Variants in MICAL3 observed in about 807,000 individuals in gnomAD.
MICAL3 encodes [F-actin]-monooxygenase MICAL3.
A neutral mutation model predicts 207.4 loss-of-function variants in MICAL3; 62 were observed. The ratio of observed to expected loss-of-function variants is 0.30; its 90% CI spans 0.24 to 0.37. The LOEUF (loss-of-function observed/expected upper bound fraction) is 0.37. MICAL3 is among the 10% of genes least tolerant of loss of function. The pLI, the probability that MICAL3 is intolerant of heterozygous loss-of-function variation, is 1.00. For synonymous variants in MICAL3, 1,077 were observed against 1,069.3 expected, an observed-to-expected ratio of 1.01 and a Z score of -0.14; for missense variants, 2,368 against 2,635.6, an observed-to-expected ratio of 0.90 and a Z score of 2.22.
intron 1 of MICAL3, among the ~76,000 whole-genome samples, chr22:17,979,283 G>A (rs58827504): frequency 0.031 from 4,649 of 151,646 alleles, 101 homozygotes; most frequent in African/African-American, 0.062. Context: ...AGTGGCTCAC[G>A]CCTGTAATCC....
chr22:17,894,604 C>T (rs1930667524), intron 10 of MICAL3, among the ~76,000 whole-genome samples: 1 of 151,516 alleles, frequency 6.6e-6, no homozygotes, highest in Non-Finnish European at 1.5e-5. Flanking sequence ...CAAGACCAGC[C>T]TGACCAACAC....
At chr22:17,997,759 GGAT>G (rs1465556544) in intron 1 of MICAL3, among the ~76,000 whole-genome samples, 1 of 152,158 alleles carries the variant, frequency 6.6e-6, no homozygotes, top group South Asian at 2.1e-4. Flanking sequence ...GTAAAACTGG[GGAT>G]GATAAGTTCT....
At chr22:18,003,409 G>T (rs941949908) in intron 1 of MICAL3, among the ~76,000 whole-genome samples, 4 of 151,872 alleles carry the variant, frequency 2.6e-5, no homozygotes, top group African/African-American at 9.7e-5. Context: ...ACAAAACTTC[G>T]ATTAATAATT....
chr22:18,002,371 C>G (rs1391523922), intron 1 of MICAL3, among the ~76,000 whole-genome samples: 1 of 152,146 alleles, frequency 6.6e-6, no homozygotes, highest in Non-Finnish European at 1.5e-5. Context: ...TGGCACACGC[C>G]TGTAATCCCA....
Position 17,818,820 on chromosome 22 carries a change from G to T in MICAL3, c.3841C>A (p.Arg1281Ser), listed in dbSNP as rs747674587. 8.4e-6 allele frequency: 13 copies of T among 1,543,580 alleles called. No homozygotes were observed. The highest frequency in any genetic ancestry group is 6.9e-5 in the East Asian group (3 of 43,724). ...GTTTTGGCCGGGGCAGGCTGGAAGC[G>T]TATGGGGGACTGGGTAGGGGATGGG... ...TVPSPTQSPI[R>S]FQPAPAKTST... The change falls in exon 26 of 32, where the codon CGC becomes AGC. Residue 1281 changes from arginine (R) to serine (S), a missense_variant. Physicochemically the swap from Arg to Ser is moderately radical, Grantham distance 110 (BLOSUM62 -1). This residue lies in a region of MICAL3 where 1,770 missense variants were observed against 1,863.2 expected (regional missense o/e 0.95). Coordinates refer to ENST00000441493, the MANE Select transcript of MICAL3 (RefSeq NM_015241.3).
chr22:17,862,291 T>C lies in MICAL3; in HGVS notation c.2605+2608A>G, dbSNP rs138122747. 2.9e-4 allele frequency: 281 copies of C among 966,600 alleles called. 1 individual carries two copies. In the African/African-American group the frequency reaches 4.8e-3, roughly 17 times the overall value. The allele number at this position is 966,600 out of a possible 1,614,324, so 59.9% of individuals were successfully genotyped here. ...TTTTTTTTTAGATGGAGTCTTGCTC[T>C]GTCATCAGGCTGGAGTGCAGTGGTG... On this transcript the variant is annotated intron_variant, in intron 19 of 31. Coordinates refer to ENST00000441493, the MANE Select transcript of MICAL3 (RefSeq NM_015241.3).
intron 19 of MICAL3, among the ~76,000 whole-genome samples, chr22:17,856,328 A>C (rs865834739): frequency 3.9e-5 from 6 of 152,254 alleles, no homozygotes; most frequent in Admixed American, 1.3e-4. Context: ...ACAAGCCCTA[A>C]GCATGGTCTT....
chr22:17,876,844 TTAG>T (rs1928516567), intron 16 of MICAL3: 1 of 136,252 alleles, frequency 7.3e-6, no homozygotes, highest in Non-Finnish European at 1.6e-5. Context: ...GTTAGGGAGG[TTAG>T]GGAGGTTATG....
chr22:17,795,437 C>A (rs1013414528), intron 29 of MICAL3, among the ~76,000 whole-genome samples: 4 of 152,332 alleles, frequency 2.6e-5, no homozygotes, highest in South Asian at 2.1e-4. Context: ...CCAAACACAT[C>A]CAAAAGGAAG....
At chr22:17,938,256 G>GT (rs1933640137) in intron 1 of MICAL3, among the ~76,000 whole-genome samples, 1 of 152,162 alleles carries the variant, frequency 6.6e-6, no homozygotes, top group Non-Finnish European at 1.5e-5. Flanking sequence ...CTTTAAAGCC[G>GT]TAATTATTCC....
intron 19 of MICAL3, among the ~76,000 whole-genome samples, chr22:17,852,698 C>T (rs1054756377): frequency 9.2e-5 from 14 of 152,318 alleles, no homozygotes; most frequent in African/African-American, 2.2e-4. Context: ...CCTGGGACCA[C>T]GCATAAACCC....
At chr22:17,972,462 G>A (rs896597926) in intron 1 of MICAL3, among the ~76,000 whole-genome samples, 14 of 152,174 alleles carry the variant, frequency 9.2e-5, no homozygotes, top group Admixed American at 2.0e-4. Flanking sequence ...ACAGGTGAAC[G>A]GACGTACGGG....
intron 13 of MICAL3, 62 bp from the exon 14 acceptor site, chr22:17,887,497 A>G: frequency 9.4e-7 from 1 of 1,059,292 alleles, no homozygotes; most frequent in African/African-American, 1.6e-5. Flanking sequence ...AATCCTGACC[A>G]AAACTACTCT....
chr22:17,953,836 CAGG>C (rs1015752938), intron 1 of MICAL3, among the ~76,000 whole-genome samples: 1 of 147,862 alleles, frequency 6.8e-6, no homozygotes, highest in African/African-American at 2.5e-5. Flanking sequence ...GAGGCTGAGG[CAGG>C]AGAACTGCCT....
chr22:17,951,351 C>CAAATG, intron 1 of MICAL3, among the ~76,000 whole-genome samples: 2 of 152,212 alleles, frequency 1.3e-5, no homozygotes, highest in South Asian at 4.2e-4. Context: ...CAAACTATGA[C>CAAATG]CCAAGCTCCA....
chr22:17,878,371 G>T (rs1236745750), intron 16 of MICAL3, among the ~76,000 whole-genome samples: 1 of 152,204 alleles, frequency 6.6e-6, no homozygotes, highest in Non-Finnish European at 1.5e-5. Flanking sequence ...GCGAGGCCAT[G>T]GAAAGGGGGT....
At chr22:17,829,026 T>C (rs1286700145) in intron 21 of MICAL3, among the ~76,000 whole-genome samples, 1 of 152,218 alleles carries the variant, frequency 6.6e-6, no homozygotes, top group African/African-American at 2.4e-5. Flanking sequence ...CAGCCCATTG[T>C]TGGAGCTGCT....
rs1052772996 is a variant in MICAL3, at chr22:17,863,796, C to T, written c.2605+1103G>A. ...AAAGGATGCAACTCTGGGAACCTCT[C>T]GTTGAAGGCCAAATGGGTAATTCTC... On this transcript the variant is annotated intron_variant, in intron 19 of 31. Coordinates refer to ENST00000441493, the MANE Select transcript of MICAL3 (RefSeq NM_015241.3). 55 of 985,454 alleles carry T rather than the reference C, an allele frequency of 5.6e-5. 1 individual carries two copies. Among genetic ancestry groups the T allele is most frequent in the Admixed American group, 3.1e-4 (5 of 16,286 alleles). 61.0% of individuals were successfully genotyped at this position (985,454 alleles called of 1,614,324 possible). A position where few individuals can be genotyped will look rare whatever the true frequency, so the allele number is the denominator to read the frequency against.
chr22:17,897,353 G>T (rs1930932584), intron 7 of MICAL3, among the ~76,000 whole-genome samples: 1 of 150,026 alleles, frequency 6.7e-6, no homozygotes, highest in South Asian at 2.1e-4. Flanking sequence ...AGCCCAGGAA[G>T]CGGAGGTTGC....
Sources: allele counts gnomAD v4.1 joint callset (sites outside exome capture counted in the v4.1 genomes callset), GRCh38; gene constraint gnomAD v4.1.1; regional missense constraint gnomAD v4.1.1; transcripts MANE v1.5; gene names NCBI Gene and HGNC (gene_info 2026-07-23, HGNC 2026-07-21).